The following C9orf57 variants were observed in gnomAD, a reference collection of about 807,000 sequenced individuals.
The protein encoded by C9orf57 is chromosome 9 open reading frame 57.
Under a neutral mutation model 12.9 loss-of-function variants are expected in C9orf57, and 12 were observed. The ratio of observed to expected loss-of-function variants is 0.93; its 90% CI spans 0.60 to 1.51. The LOEUF is 1.51. Among genes scored for constraint, C9orf57 ranks in the 40% most tolerant of loss-of-function variants. The probability of loss-of-function intolerance (pLI) is 0.00; values close to 1 mark genes in which losing one functional copy is unlikely to be tolerated. For synonymous variants in C9orf57, 49 were observed against 57.1 expected (o/e 0.86, Z 0.64); for missense variants, 141 against 162.8 (o/e 0.87, Z 0.73).
chr9:72,055,178 C>T (rs1318405934), intron 4 of C9orf57, among the ~76,000 whole-genome samples: 1 of 151,678 alleles, frequency 6.6e-6, no homozygotes, highest in Non-Finnish European at 1.5e-5. Flanking sequence ...TTCAAGCAAT[C>T]CACGCACCTC....
chr9:72,054,914 A>T (rs1236246233), intron 4 of C9orf57, among the ~76,000 whole-genome samples: 67 of 96,486 alleles, frequency 6.9e-4, no homozygotes, highest in Middle Eastern at 8.3e-3. Flanking sequence ...GGGGTTTGGG[A>T]TTTTTTTTTT....
intron 1 of C9orf57, 138 bp downstream of exon 1, chr9:72,060,359 A>G: frequency 1.6e-6 from 1 of 614,936 alleles, no homozygotes; most frequent in South Asian, 2.0e-5. Context: ...AATTATTAAT[A>G]ATACTTTCAC....
rs575228937 is a variant in C9orf57, at chr9:72,053,293, A to G, written c.281-858T>C. On this transcript the variant is annotated intron_variant, in intron 4 of 4. Transcript: ENST00000651200. ...ATGTCAATAGTGCAAAAGTTGAGAA[A>G]CCCTATTGATAAAACTATCAAAAGC... is the stretch of plus-strand genomic sequence containing the variant. Among the ~76,000 whole-genome samples the G allele has an allele frequency of 3.3e-5, 5 of 152,238 alleles. No homozygotes were observed. In the South Asian group the frequency reaches 1.0e-3, roughly 32 times the overall value.
Position 72,056,802 on chromosome 9 carries a change from C to T in C9orf57, c.139G>A (p.Glu47Lys), listed in dbSNP as rs540964295. 1.3e-6 allele frequency: 2 copies of T among 1,550,652 alleles called. No individual in the cohort carries two copies. Among genetic ancestry groups the T allele is most frequent in the East Asian group, 2.4e-5 (1 of 40,910 alleles). Residue 47 changes from glutamate (E) to lysine (K), a missense_variant, in exon 3 of 5, where the codon GAA becomes AAA. Coordinates refer to ENST00000651200, the MANE Select transcript of C9orf57 (RefSeq NM_001128618.2). ...CQTKPGQYWK[E>K]EVHIQDVGGL... ...AACTTACCTTGAATGTGGACCTCTT[C>T]TTTCCAGTACTGACCAGGTTTTGTC... is the stretch of plus-strand genomic sequence containing the variant.
At chr9:72,056,365 T>C (rs182185396) in intron 3 of C9orf57, among the ~76,000 whole-genome samples, 169 bp from the exon 4 acceptor site, 57 of 149,128 alleles carry the variant, frequency 3.8e-4, no homozygotes, top group African/African-American at 1.3e-3. Context: ...TATTTTATTT[T>C]TTTTTATGTT....
intron 1 of C9orf57, 51 bp from the exon 2 acceptor site, chr9:72,059,435 A>G (rs1368364646): frequency 6.5e-7 from 1 of 1,531,146 alleles, no homozygotes; most frequent in East Asian, 2.5e-5. Context: ...TAAAAACGGA[A>G]AGGACTGGTT....
At chr9:72,054,914 A>ATTTTTTTTTTTT (rs71353558) in intron 4 of C9orf57, among the ~76,000 whole-genome samples, 3 of 96,518 alleles carry the variant, frequency 3.1e-5, no homozygotes, top group African/African-American at 8.2e-5. Context: ...GGGGTTTGGG[A>ATTTTTTTTTTTT]TTTTTTTTTT....
intron 4 of C9orf57, among the ~76,000 whole-genome samples, chr9:72,052,646 G>A (rs1824103404): frequency 6.6e-6 from 1 of 152,148 alleles, no homozygotes. Context: ...GCATACACAA[G>A]ATTTGAAACT....
At chr9:72,052,815 G>C (rs1246419770) in intron 4 of C9orf57, among the ~76,000 whole-genome samples, 2 of 152,174 alleles carry the variant, frequency 1.3e-5, no homozygotes, top group African/African-American at 2.4e-5. Context: ...TGTACAGAAG[G>C]ATCCTTTAGA....
At chr9:72,055,998 G>A (rs1824191616) in intron 4 of C9orf57, 76 bp downstream of exon 4, 5 of 1,437,574 alleles carry the variant, frequency 3.5e-6, no homozygotes, top group East Asian at 2.5e-5. Flanking sequence ...GTAGCATCTG[G>A]TATATGAAAG....
At position 72,052,368 on chromosome 9, in the gene C9orf57, G is replaced by A. The variant is rs768204612; in HGVS notation, c.348C>T (p.Leu116=). The A allele has an allele frequency of 1.9e-5, 30 of 1,551,848 alleles. No homozygotes were observed. Among genetic ancestry groups the A allele is most frequent in the Middle Eastern group, 1.7e-4 (1 of 6,014 alleles). ...CATGCAGTTGCAGAATTCTCTTGAC[G>A]AGAGTACTCTTGAAGCACTCTGATG... is the stretch of plus-strand genomic sequence containing the variant. ...KNTSECFKST[L]VKRILQLHEL... The change falls in exon 5 of 5, where the codon CTC becomes CTT. Residue 116 remains leucine, a synonymous_variant. Transcript: ENST00000651200.
At chr9:72,057,442 G>A (rs1173253142) in intron 2 of C9orf57, among the ~76,000 whole-genome samples, 1 of 151,966 alleles carries the variant, frequency 6.6e-6, no homozygotes, top group African/African-American at 2.4e-5. Flanking sequence ...GGCCAGGCTG[G>A]TCTCAAACTC....
At chr9:72,052,485 G>A in intron 4 of C9orf57, 50 bp from the exon 5 acceptor site, 1 of 1,527,872 alleles carries the variant, frequency 6.5e-7, no homozygotes, top group Non-Finnish European at 8.8e-7. Flanking sequence ...TACAACCTAT[G>A]TGGCCTCAGA....
intron 4 of C9orf57, among the ~76,000 whole-genome samples, chr9:72,054,030 C>G (rs1446679683): frequency 6.6e-6 from 1 of 152,150 alleles, no homozygotes; most frequent in Non-Finnish European, 1.5e-5. Context: ...TGGTGTTTCG[C>G]TCTTGTTGCC....
chr9:72,056,277 A>G (rs1381393094), intron 3 of C9orf57, 81 bp from the exon 4 acceptor site: 2 of 1,137,482 alleles, frequency 1.8e-6, no homozygotes. Context: ...GATCAAAAAA[A>G]TAAAGTAGTG....
intron 2 of C9orf57, among the ~76,000 whole-genome samples, chr9:72,057,382 G>C (rs1177347353): frequency 2.0e-5 from 3 of 151,776 alleles, no homozygotes; most frequent in African/African-American, 7.3e-5. Context: ...CACACCACCA[G>C]GCCCGGCTAA....
chr9:72,058,360 C>T lies in C9orf57; in HGVS notation c.97+875G>A, dbSNP rs557902206. Among the ~76,000 whole-genome samples the T allele has an allele frequency of 7.9e-5, 12 of 152,192 alleles. 1 individual carries two copies. Among genetic ancestry groups the T allele is most frequent in the East Asian group, 3.9e-4 (2 of 5,164 alleles). ...TATTTTAGTAGAGATGGGGTTTCACCGTGTTGCCCAGGCTGGTCTTGAACT... is the reference window on the plus strand; with the variant it reads ...TATTTTAGTAGAGATGGGGTTTCACTGTGTTGCCCAGGCTGGTCTTGAACT... On this transcript the variant is annotated intron_variant, in intron 2 of 4. Coordinates refer to ENST00000651200, the MANE Select transcript of C9orf57 (RefSeq NM_001128618.2).
At chr9:72,057,854 G>A (rs1461145015) in intron 2 of C9orf57, among the ~76,000 whole-genome samples, 1 of 152,096 alleles carries the variant, frequency 6.6e-6, no homozygotes, top group Non-Finnish European at 1.5e-5. Flanking sequence ...CAAATTCAGT[G>A]GCTTGAAAAT....
rs1824275291 is a variant in C9orf57, at chr9:72,059,251, T to C, written c.81A>G (p.Leu27=). Residue 27 remains leucine, a synonymous_variant, in exon 2 of 5, where the codon TTA becomes TTG. Transcript: ENST00000651200. ...ATGACTTACCACCTAAGCGGCCGAATAAGATAACACCTAAGAGGCGGAATA... is the reference window on the plus strand; with the variant it reads ...ATGACTTACCACCTAAGCGGCCGAACAAGATAACACCTAAGAGGCGGAATA... The part of the protein sequence containing the change: ...VILFRLLGVI[L]FGRLGDLGTC... 1 of 1,550,926 alleles carries C rather than the reference T, an allele frequency of 6.4e-7. No homozygotes were observed. The highest frequency in any genetic ancestry group is 8.7e-7 in the Non-Finnish European group (1 of 1,146,854).
Sources: allele counts gnomAD v4.1 joint callset (sites outside exome capture counted in the v4.1 genomes callset), GRCh38; gene constraint gnomAD v4.1.1; transcripts MANE v1.5; gene names NCBI Gene and HGNC (gene_info 2026-07-23, HGNC 2026-07-21).